The following CRY1 variants were observed in gnomAD, a reference collection of about 807,000 sequenced individuals.
The protein encoded by CRY1 is cryptochrome-1.
Under a neutral mutation model 76.0 loss-of-function variants are expected in CRY1, and 45 were observed. That is an observed-to-expected ratio of 0.59 (90% CI 0.47 to 0.76). The LOEUF (loss-of-function observed/expected upper bound fraction) is 0.76. Among genes scored for constraint, CRY1 ranks in the 30% least tolerant of loss-of-function variants. The pLI, the probability that CRY1 is intolerant of heterozygous loss-of-function variation, is 0.00. For synonymous variants in CRY1, 248 were observed against 244.0 expected, an observed-to-expected ratio of 1.02 and a Z score of -0.15; for missense variants, 587 against 716.4, an observed-to-expected ratio of 0.82 and a Z score of 2.06.
chr12:107,043,879 A>G (rs1952824634), intron 1 of CRY1, among the ~76,000 whole-genome samples: 1 of 152,096 alleles, frequency 6.6e-6, no homozygotes, highest in Non-Finnish European at 1.5e-5. Flanking sequence ...ACTGAGCCCT[A>G]TTGGCTCAGA....
intron 1 of CRY1, among the ~76,000 whole-genome samples, chr12:107,038,982 G>A (rs753048174): frequency 2.0e-4 from 31 of 152,120 alleles, no homozygotes; most frequent in African/African-American, 5.6e-4. Flanking sequence ...CAGAGTGCTG[G>A]GCGTGGTGGT....
chr12:107,040,710 A>T lies in CRY1; in HGVS notation c.159-18518T>A, dbSNP rs563545149. Among the ~76,000 whole-genome samples, 41 of 152,076 alleles carry T rather than the reference A, an allele frequency of 2.7e-4. 1 individual carries two copies. The highest frequency in any genetic ancestry group is 9.8e-4 in the Admixed American group (15 of 15,268). ...TCCTACAGCAATAAAATATATTTTT[A>T]AAAAAAAGAAGAGGGAAGAGTAGAT... On this transcript the variant is annotated intron_variant, in intron 1 of 12. Transcript: ENST00000008527.
intron 1 of CRY1, among the ~76,000 whole-genome samples, chr12:107,058,747 T>C (rs1953014584): frequency 6.6e-6 from 1 of 152,210 alleles, no homozygotes; most frequent in South Asian, 2.1e-4. Context: ...GTTGATAAGA[T>C]TTTTAACTGG....
chr12:107,046,389 A>G (rs1952849717), intron 1 of CRY1, among the ~76,000 whole-genome samples: 1 of 152,172 alleles, frequency 6.6e-6, no homozygotes, highest in African/African-American at 2.4e-5. Flanking sequence ...TCACTGGTAG[A>G]ACAGATAACA....
At chr12:107,091,700 C>T (rs1392242275) in intron 1 of CRY1, among the ~76,000 whole-genome samples, 1 of 152,194 alleles carries the variant, frequency 6.6e-6, no homozygotes, top group Non-Finnish European at 1.5e-5. Context: ...CTGACCTCAT[C>T]GTCTACTATT....
intron 1 of CRY1, among the ~76,000 whole-genome samples, chr12:107,067,417 G>T (rs1953126290): frequency 6.6e-6 from 1 of 152,064 alleles, no homozygotes; most frequent in Non-Finnish European, 1.5e-5. Context: ...TTATCTCACA[G>T]ACTCCCTTTT....
intron 1 of CRY1, among the ~76,000 whole-genome samples, chr12:107,060,651 A>G (rs1953035105): frequency 6.6e-6 from 1 of 152,178 alleles, no homozygotes; most frequent in South Asian, 2.1e-4. Context: ...TCAGGAACTG[A>G]ACGCAGGTCT....
rs542538984 is a variant in CRY1 at position 107,090,960 on chromosome 12, A to G, written c.158+1844T>C. ...CCATCCTTCCAGTTTCTCAAGCCAA[A>G]AATTTTCTCAAACAGTAACTAAACT... is the stretch of plus-strand genomic sequence containing the variant. On this transcript the variant is annotated intron_variant, in intron 1 of 12. Coordinates refer to ENST00000008527, the MANE Select transcript of CRY1 (RefSeq NM_004075.5). Among the ~76,000 whole-genome samples the G allele has an allele frequency of 4.8e-4, 73 of 152,274 alleles. 1 individual carries two copies. The highest frequency in any genetic ancestry group is 1.6e-3 in the African/African-American group (65 of 41,566).
intron 2 of CRY1, among the ~76,000 whole-genome samples, chr12:107,010,038 T>C (rs1952425123): frequency 6.6e-6 from 1 of 152,176 alleles, no homozygotes; most frequent in South Asian, 2.1e-4. Flanking sequence ...GGAAGGTTTT[T>C]AATTACAAAT....
At chr12:106,992,174 C>A (rs975241362) in intron 12 of CRY1, 173 bp from the exon 13 acceptor site, 2 of 152,018 alleles carry the variant, frequency 1.3e-5, no homozygotes, top group African/African-American at 4.8e-5. Context: ...ACTGAAGAAA[C>A]AGAAAATTTT....
At position 106,992,837 on chromosome 12, in the gene CRY1, C is replaced by T. The variant is rs1440795741; in HGVS notation, c.1711G>A (p.Glu571Lys). 2 of 1,614,084 alleles carry T rather than the reference C, an allele frequency of 1.2e-6. No individual in the cohort carries two copies. Among genetic ancestry groups the T allele is most frequent in the South Asian group, 1.1e-5 (1 of 91,084 alleles). ...TTAGGACCAATACTCTGTGTGTCCT[C>T]TTCCTGACTAGGACGTTTCCCACCA... is the stretch of plus-strand genomic sequence containing the variant. Reference protein sequence around the residue: ...LSGGKRPSQEEDTQSIGPKVQ... With the variant: ...LSGGKRPSQEKDTQSIGPKVQ... Residue 571 changes from glutamate to lysine, a missense_variant, in exon 12 of 13, where the codon GAG becomes AAG. Glu to Lys is a moderately conservative substitution (Grantham distance 56). Transcript: ENST00000008527.
intron 1 of CRY1, among the ~76,000 whole-genome samples, chr12:107,058,487 A>G (rs1953011153): frequency 6.6e-6 from 1 of 152,186 alleles, no homozygotes; most frequent in African/African-American, 2.4e-5. Context: ...GGTGGCTATC[A>G]GTGGGGAAAA....
intron 1 of CRY1, among the ~76,000 whole-genome samples, chr12:107,062,242 A>G (rs1260041194): frequency 1.3e-5 from 2 of 152,046 alleles, no homozygotes; most frequent in Non-Finnish European, 2.9e-5. Context: ...TTTTTATAAT[A>G]TACTTCAGAA....
intron 1 of CRY1, among the ~76,000 whole-genome samples, chr12:107,090,241 C>T (rs934390974): frequency 6.6e-6 from 1 of 152,072 alleles, no homozygotes; most frequent in Non-Finnish European, 1.5e-5. Flanking sequence ...CAGGCATGTG[C>T]CATACGCCTA....
At chr12:107,031,410 G>C (rs908814804) in intron 1 of CRY1, among the ~76,000 whole-genome samples, 1 of 146,714 alleles carries the variant, frequency 6.8e-6, no homozygotes, top group African/African-American at 2.5e-5. Flanking sequence ...AGACTGCTCT[G>C]AAAGATACAA....
intron 1 of CRY1, among the ~76,000 whole-genome samples, chr12:107,047,651 G>T (rs974273016): frequency 6.6e-5 from 10 of 152,144 alleles, no homozygotes; most frequent in African/African-American, 2.2e-4. Context: ...GGATGAGTTT[G>T]CTTCCCCTTC....
rs779509389 is a variant in CRY1 at position 107,022,144 on chromosome 12, T to A, written c.207A>T (p.Leu69Phe). Residue 69 changes from leucine to phenylalanine, a missense_variant, in exon 2 of 13, where the codon TTA (leucine) becomes TTT (phenylalanine). Transcript: ENST00000008527. ...LEDLDANLRK[L>F]NSRLFVIRGQ... ...CACGAATCACAAACAGACGGGAGTTTAATTTTCGTAGATTGGCATCAAGAT... is the reference window on the plus strand; with the variant it reads ...CACGAATCACAAACAGACGGGAGTTAAATTTTCGTAGATTGGCATCAAGAT... 2.5e-6 allele frequency: 4 copies of A among 1,602,414 alleles called. No individual in the cohort carries two copies. The highest frequency in any genetic ancestry group is 3.4e-6 in the Non-Finnish European group (4 of 1,174,112).
chr12:107,085,367 T>A (rs182730336), intron 1 of CRY1, among the ~76,000 whole-genome samples: 7 of 152,328 alleles, frequency 4.6e-5, no homozygotes, highest in African/African-American at 2.4e-5. Flanking sequence ...GGCACATGTA[T>A]GTTTATTGTG....
At chr12:107,041,436 A>G (rs934467471) in intron 1 of CRY1, among the ~76,000 whole-genome samples, 1 of 152,200 alleles carries the variant, frequency 6.6e-6, no homozygotes, top group Admixed American at 6.5e-5. Flanking sequence ...CAGCAGCTTA[A>G]GTTGATCTTT....
Sources: allele counts gnomAD v4.1 joint callset (sites outside exome capture counted in the v4.1 genomes callset), GRCh38; gene constraint gnomAD v4.1.1; transcripts MANE v1.5; gene names NCBI Gene and HGNC (gene_info 2026-07-23, HGNC 2026-07-21).